TAFA2: variants seen among roughly 807,000 people sequenced by gnomAD.
The protein encoded by TAFA2 is TAFA chemokine like family member 2.
TAFA2 carries 7 observed loss-of-function variants against 18.8 expected under a neutral mutation model. The ratio of observed to expected loss-of-function variants is 0.37; its 90% CI spans 0.21 to 0.70. The LOEUF is 0.70. TAFA2 is among the 30% of genes least tolerant of loss of function. The pLI is 0.53. For missense variants in TAFA2, 122 were observed against 158.1 expected, an observed-to-expected ratio of 0.77 and a Z score of 1.23; for synonymous variants, 60 against 54.2, an observed-to-expected ratio of 1.11 and a Z score of -0.47.
intron 1 of TAFA2, among the ~76,000 whole-genome samples, chr12:62,040,027 G>A (rs1316133480): frequency 2.0e-5 from 3 of 152,122 alleles, no homozygotes; most frequent in Non-Finnish European, 4.4e-5. Flanking sequence ...TTTTAATTAA[G>A]AATGCTGTGG....
At chr12:62,226,281 C>A (rs529705210) in intron 1 of TAFA2, among the ~76,000 whole-genome samples, 1 of 151,792 alleles carries the variant, frequency 6.6e-6, no homozygotes, top group Non-Finnish European at 1.5e-5. Flanking sequence ...GCAAGCTCCA[C>A]CTCCTGGGTT....
chr12:61,978,466 A>C (rs1382370029), intron 1 of TAFA2, among the ~76,000 whole-genome samples: 1 of 152,076 alleles, frequency 6.6e-6, no homozygotes, highest in Non-Finnish European at 1.5e-5. Context: ...AAAAGAGAGG[A>C]ACAGTTCCTA....
At chr12:62,165,919 CCTCT>C (rs753736824) in intron 1 of TAFA2, among the ~76,000 whole-genome samples, 1 of 138,818 alleles carries the variant, frequency 7.2e-6, no homozygotes, top group Non-Finnish European at 1.6e-5. Flanking sequence ...TCTCTCTCTT[CCTCT>C]CTCTCTCTCT....
intron 1 of TAFA2, among the ~76,000 whole-genome samples, chr12:62,130,607 A>T (rs1870643041): frequency 6.6e-6 from 1 of 151,882 alleles, no homozygotes; most frequent in African/African-American, 2.4e-5. Flanking sequence ...TTCACTGGAC[A>T]TTTCCTGAGT....
chr12:62,104,706 T>C (rs1408704224), intron 1 of TAFA2: 3 of 455,792 alleles, frequency 6.6e-6, no homozygotes, highest in South Asian at 3.1e-5. Flanking sequence ...GAGGACTTGA[T>C]GGTACAATTT....
At chr12:61,855,326 T>A (rs751700709) in intron 2 of TAFA2, among the ~76,000 whole-genome samples, 2 of 152,194 alleles carry the variant, frequency 1.3e-5, no homozygotes, top group Non-Finnish European at 2.9e-5. Context: ...TATTTTATTC[T>A]CTATAGCCAC....
intron 2 of TAFA2, among the ~76,000 whole-genome samples, chr12:61,784,021 G>A (rs766711135): frequency 6.6e-6 from 1 of 151,466 alleles, no homozygotes; most frequent in African/African-American, 2.4e-5. Flanking sequence ...AAAACAGCAT[G>A]GCTACTTTAT....
At chr12:61,856,693 A>G (rs1297906139) in intron 2 of TAFA2, among the ~76,000 whole-genome samples, 3 of 151,996 alleles carry the variant, frequency 2.0e-5, no homozygotes, top group African/African-American at 7.2e-5. Flanking sequence ...AATCATTTTT[A>G]TAATTAAAAG....
Position 61,867,421 on chromosome 12 carries a change from C to T in TAFA2, c.5G>A (p.Ser2Asn), listed in dbSNP as rs1874405476. ...TGTTGCTTTCTGTAAGTATCTCTTA[C>T]TCATCCTGCAAATAAAAAAATAATA... Reference protein sequence around the residue: MSKRYLQKATKG... With the variant: MNKRYLQKATKG... The change falls in exon 2 of 5, where the codon AGT (serine) becomes AAT (asparagine). Residue 2 changes from serine to asparagine, a missense_variant. Coordinates refer to ENST00000416284, the MANE Select transcript of TAFA2 (RefSeq NM_178539.5). 2.0e-6 allele frequency: 3 copies of T among 1,519,258 alleles called. No homozygotes were observed. The highest frequency in any genetic ancestry group is 2.3e-5 in the South Asian group (2 of 86,316). The allele number at this position is 1,519,258 out of a possible 1,614,324, so 94.1% of individuals were successfully genotyped here. A position where few individuals can be genotyped will look rare whatever the true frequency, so the allele number is the denominator to read the frequency against.
chr12:61,717,783 C>G (rs1180204977), intron 4 of TAFA2, among the ~76,000 whole-genome samples: 4 of 152,134 alleles, frequency 2.6e-5, no homozygotes, highest in Admixed American at 6.5e-5. Flanking sequence ...CTGAATGGGA[C>G]AGCCTCATTC....
At chr12:61,936,484 C>T (rs1877773104) in intron 1 of TAFA2, among the ~76,000 whole-genome samples, 1 of 152,094 alleles carries the variant, frequency 6.6e-6, no homozygotes, top group South Asian at 2.1e-4. Flanking sequence ...AGGAGAATCA[C>T]TTGAACCCAG....
At chr12:62,183,646 A>G (rs1366402431) in intron 1 of TAFA2, among the ~76,000 whole-genome samples, 1 of 152,080 alleles carries the variant, frequency 6.6e-6, no homozygotes, top group African/African-American at 2.4e-5. Context: ...CGGCCTCCCA[A>G]AGTGTTGGGA....
chr12:61,741,291 T>TGC (rs988196197), intron 4 of TAFA2, among the ~76,000 whole-genome samples: 1 of 151,736 alleles, frequency 6.6e-6, no homozygotes, highest in Admixed American at 6.6e-5. Context: ...TGTGAGTGTG[T>TGC]GTGTGTGTGT....
chr12:61,898,068 C>T (rs1439089035), intron 1 of TAFA2, among the ~76,000 whole-genome samples: 1 of 152,240 alleles, frequency 6.6e-6, no homozygotes, highest in East Asian at 1.9e-4. Context: ...GTCATCACAT[C>T]TTAAAGCTCC....
At chr12:61,852,930 G>A (rs537874433) in intron 2 of TAFA2, among the ~76,000 whole-genome samples, 122 of 152,224 alleles carry the variant, frequency 8.0e-4, no homozygotes, top group African/African-American at 2.7e-3. Context: ...ACTGGTCAAA[G>A]GGTACAAACC....
At chr12:62,173,398 C>A (rs977510290) in intron 1 of TAFA2, among the ~76,000 whole-genome samples, 2 of 152,046 alleles carry the variant, frequency 1.3e-5, no homozygotes, top group African/African-American at 4.8e-5. Context: ...GGTGACAGAG[C>A]AAGACTCCAT....
In TAFA2 at chr12:62,043,567, A is replaced by G. The variant is rs1365537670; in HGVS notation, c.-2+147692T>C. On this transcript the variant is annotated intron_variant, in intron 1 of 4. Transcript: ENST00000416284. The stretch of plus-strand genomic sequence containing the variant: ...AACATGGCACATGTATACATATGTA[A>G]CAAACCTGCACATTGTGCACATGTA... 5.3e-5 allele frequency among the ~76,000 whole-genome samples: 8 copies of G among 152,282 alleles called. No homozygotes were observed. The East Asian group carries it at 1.5e-3, about 29-fold the overall frequency.
intron 1 of TAFA2, among the ~76,000 whole-genome samples, chr12:61,898,476 T>G (rs756420023): frequency 6.6e-6 from 1 of 152,216 alleles, no homozygotes; most frequent in Non-Finnish European, 1.5e-5. Flanking sequence ...CCGAAATCTA[T>G]GCGGAGGTTC....
chr12:61,744,879 GA>G (rs1016848451), intron 4 of TAFA2, among the ~76,000 whole-genome samples: 20 of 151,956 alleles, frequency 1.3e-4, no homozygotes, highest in Non-Finnish European at 7.4e-5. Context: ...CTACTTCATG[GA>G]CACCTAGCTT....
Sources: gnomAD v4.1 joint callset for allele counts (sites outside exome capture counted in the v4.1 genomes callset) on GRCh38, gnomAD v4.1.1 for gene constraint, MANE v1.5 for transcripts, NCBI Gene and HGNC (gene_info 2026-07-23, HGNC 2026-07-21) for gene names.